The following ANO10 variants were observed in gnomAD, a reference collection of about 807,000 sequenced individuals.
ANO10 encodes the protein anoctamin 10.
ANO10 carries 77 observed loss-of-function variants against 74.7 expected under a neutral mutation model. That is an observed-to-expected ratio of 1.03 (90% confidence interval 0.86 to 1.25). The LOEUF (loss-of-function observed/expected upper bound fraction) is 1.25. Among genes scored for constraint, ANO10 ranks in the 50% most tolerant of loss-of-function variants. ANO10 has a pLI of 0.00. For missense variants in ANO10, 721 were observed against 778.1 expected (o/e 0.93, Z 0.87); for synonymous variants, 279 against 284.9 (o/e 0.98, Z 0.21).
chr3:43,632,000 G>T (rs1183624661), intron 1 of ANO10, among the ~76,000 whole-genome samples: 1 of 150,882 alleles, frequency 6.6e-6, no homozygotes, highest in Non-Finnish European at 1.5e-5. Context: ...TTGAACCCAG[G>T]AGACAGAGGT....
Position 43,665,834 on chromosome 3 carries a change from C to T in ANO10, c.-12+25683G>A, listed in dbSNP as rs527836571. Among the ~76,000 whole-genome samples, 109 of 152,236 alleles carry T rather than the reference C, an allele frequency of 7.2e-4. 2 individuals are homozygous for T. Among genetic ancestry groups the T allele is most frequent in the African/African-American group, 2.5e-3 (104 of 41,534 alleles). ...TGAATAATGCTCTCATTGTATGCAA[C>T]GCCAGGAACTGATGGTTGTATGAAA... On this transcript the variant is annotated intron_variant, in intron 1 of 3. Coordinates refer to the ANO10 transcript ENST00000413397.
At chr3:43,534,287 T>C (rs901703627) in intron 11 of ANO10, among the ~76,000 whole-genome samples, 1 of 152,212 alleles carries the variant, frequency 6.6e-6, no homozygotes, top group Admixed American at 6.5e-5. Flanking sequence ...GGGAGGTATA[T>C]ATGGGAAATA....
chr3:43,643,670 G>C (rs2083694503), intron 1 of ANO10, among the ~76,000 whole-genome samples: 1 of 142,820 alleles, frequency 7.0e-6, no homozygotes. Flanking sequence ...TCATGTACTT[G>C]TCCTCATCTT....
chr3:43,542,466 A>C (rs1256396420), intron 11 of ANO10, among the ~76,000 whole-genome samples: 1 of 152,222 alleles, frequency 6.6e-6, no homozygotes, highest in Non-Finnish European at 1.5e-5. Flanking sequence ...GGCCCATGAC[A>C]ACAAATCTAG....
intron 11 of ANO10, among the ~76,000 whole-genome samples, chr3:43,507,956 A>G (rs1279437809): frequency 6.6e-6 from 1 of 152,216 alleles, no homozygotes; most frequent in Non-Finnish European, 1.5e-5. Context: ...GGCAAGAGAA[A>G]AATGTGATGT....
chr3:43,594,550 T>A (rs528975119), intron 4 of ANO10, among the ~76,000 whole-genome samples: 2 of 152,282 alleles, frequency 1.3e-5, no homozygotes, highest in East Asian at 3.9e-4. Flanking sequence ...ACAAAGGTGT[T>A]CTCTGAAACC....
intron 12 of ANO10, among the ~76,000 whole-genome samples, chr3:43,391,127 C>T (rs1478938944): frequency 6.6e-6 from 1 of 152,150 alleles, no homozygotes; most frequent in Non-Finnish European, 1.5e-5. Flanking sequence ...ACATTATGCC[C>T]TTTTACAACC....
intron 1 of ANO10, among the ~76,000 whole-genome samples, chr3:43,639,703 G>T (rs1385233973): frequency 1.3e-5 from 2 of 151,650 alleles, no homozygotes; most frequent in Non-Finnish European, 2.9e-5. Flanking sequence ...TTGAACCAGG[G>T]AGTCGGAGGT....
At chr3:43,670,609 T>A (rs2084047034) in intron 1 of ANO10, among the ~76,000 whole-genome samples, 1 of 152,164 alleles carries the variant, frequency 6.6e-6, no homozygotes, top group Non-Finnish European at 1.5e-5. Flanking sequence ...GTATAACTAA[T>A]TTACAAATTT....
At chr3:43,490,414 A>G (rs977902125) in intron 11 of ANO10, among the ~76,000 whole-genome samples, 4 of 152,228 alleles carry the variant, frequency 2.6e-5, no homozygotes, top group African/African-American at 9.6e-5. Context: ...GGCAACTTGG[A>G]AGAGGGGGAA....
intron 11 of ANO10, among the ~76,000 whole-genome samples, chr3:43,505,702 A>T (rs2077268879): frequency 6.6e-6 from 1 of 152,222 alleles, no homozygotes; most frequent in Non-Finnish European, 1.5e-5. Context: ...GAAGTCAAGA[A>T]ATGAAAAACT....
At chr3:43,421,849 G>T (rs148842504) in intron 12 of ANO10, among the ~76,000 whole-genome samples, 3 of 151,796 alleles carry the variant, frequency 2.0e-5, no homozygotes, top group Non-Finnish European at 2.9e-5. Context: ...AAAAAAAAAA[G>T]TTTTTTTATT....
chr3:43,583,861 AATATCT>A (rs2081363087), intron 4 of ANO10, among the ~76,000 whole-genome samples: 1 of 152,234 alleles, frequency 6.6e-6, no homozygotes, highest in Non-Finnish European at 1.5e-5. Flanking sequence ...GTTCTAAAAG[AATATCT>A]ATATAATATT....
rs1265933559 is a variant in ANO10, at chr3:43,381,841, T to A, written c.1915-14867A>T. On this transcript the variant is annotated intron_variant, in intron 12 of 12. Coordinates refer to ENST00000292246, the MANE Select transcript of ANO10 (RefSeq NM_018075.5). ...GCCACAAAACAAGTCTCAACAAATA[T>A]AAGAAAATCGAAATTATGGCAAGTA... 2.6e-5 allele frequency among the ~76,000 whole-genome samples: 4 copies of A among 152,076 alleles called. No individual in the cohort carries two copies. The East Asian group carries it at 7.7e-4, about 29-fold the overall frequency.
In ANO10 at chr3:43,476,957, G is replaced by A. The variant is rs189740452; in HGVS notation, c.1798-44230C>T. 3.5e-3 allele frequency among the ~76,000 whole-genome samples: 530 copies of A among 152,160 alleles called. 4 individuals are homozygous for A. Among genetic ancestry groups the A allele is most frequent in the Middle Eastern group, 0.01 (3 of 294 alleles). ...AGATCTCCACAGTGGGCAGATACAA[G>A]AGTTTTTTTTTCTTTTACCATGGGT... is the stretch of plus-strand genomic sequence containing the variant. On this transcript the variant is annotated intron_variant, in intron 11 of 12. Coordinates refer to ENST00000292246, the MANE Select transcript of ANO10 (RefSeq NM_018075.5).
intron 12 of ANO10, among the ~76,000 whole-genome samples, chr3:43,402,988 C>T (rs557224925): frequency 3.9e-5 from 6 of 152,324 alleles, no homozygotes; most frequent in South Asian, 2.1e-4. Context: ...ATGATGTTTG[C>T]TACCCCATCC....
chr3:43,520,336 G>A (rs542132738), intron 11 of ANO10, among the ~76,000 whole-genome samples: 1 of 152,278 alleles, frequency 6.6e-6, no homozygotes, highest in East Asian at 1.9e-4. Context: ...CACAGTACCA[G>A]AGGCTGGGAA....
At chr3:43,455,027 G>A (rs2075062971) in intron 11 of ANO10, among the ~76,000 whole-genome samples, 1 of 152,180 alleles carries the variant, frequency 6.6e-6, no homozygotes, top group African/African-American at 2.4e-5. Context: ...GTGTGGAGGT[G>A]TCCCTCATGG....
At chr3:43,671,640 T>C (rs2084060737) in intron 1 of ANO10, among the ~76,000 whole-genome samples, 1 of 152,192 alleles carries the variant, frequency 6.6e-6, no homozygotes, top group African/African-American at 2.4e-5. Flanking sequence ...ATGATAACTA[T>C]AATTTGTGTC....
Sources: allele counts gnomAD v4.1 joint callset (sites outside exome capture counted in the v4.1 genomes callset), GRCh38; gene constraint gnomAD v4.1.1; transcripts MANE v1.5; gene names NCBI Gene and HGNC (gene_info 2026-07-23, HGNC 2026-07-21).